NAA16: variants seen among roughly 807,000 people sequenced by gnomAD.
The protein encoded by NAA16 is NARG1-like protein.
In NAA16, 97 loss-of-function variants were observed where a neutral mutation model predicts 110.3. That is an observed-to-expected ratio of 0.88 (90% CI 0.75 to 1.04). The LOEUF is 1.04. Ranked by LOEUF, NAA16 falls within the 50% of genes least tolerant of loss-of-function variation. NAA16 has a pLI of 0.00. For missense variants in NAA16, 1,017 were observed against 1,005.1 expected (o/e 1.01, Z -0.16); for synonymous variants, 372 against 330.6 (o/e 1.13, Z -1.36).
intron 12 of NAA16, among the ~76,000 whole-genome samples, chr13:41,361,699 C>T (rs1170651446): frequency 6.6e-6 from 1 of 152,118 alleles, no homozygotes; most frequent in African/African-American, 2.4e-5. Flanking sequence ...GGATGATTCA[C>T]GTTCCGGGTG....
intron 12 of NAA16, among the ~76,000 whole-genome samples, chr13:41,360,335 A>G (rs151007546): frequency 1.3e-5 from 2 of 152,318 alleles, no homozygotes; most frequent in South Asian, 2.1e-4. Flanking sequence ...ACCACTAAGT[A>G]TAATGCAAAT....
At position 41,343,356 on chromosome 13, in the gene NAA16, C is replaced by T. The variant is rs972391128; in HGVS notation, c.1014+6600C>T. 2.6e-5 allele frequency among the ~76,000 whole-genome samples: 4 copies of T among 152,254 alleles called. No homozygotes were observed. The East Asian group carries it at 5.8e-4, about 22-fold the overall frequency. On this transcript the variant is annotated intron_variant, in intron 9 of 19. Coordinates refer to ENST00000379406, the MANE Select transcript of NAA16 (RefSeq NM_024561.5). ...TCTCCTGCCTTAGAATCCCAGTGCA[C>T]TGCGATTACAGGTGTGAGCCACCAC...
At chr13:41,331,746 A>G (rs1214531768) in intron 8 of NAA16, among the ~76,000 whole-genome samples, 1 of 152,074 alleles carries the variant, frequency 6.6e-6, no homozygotes, top group Non-Finnish European at 1.5e-5. Flanking sequence ...AGGGGACTGT[A>G]GTTAACAACA....
intron 2 of NAA16, among the ~76,000 whole-genome samples, chr13:41,318,337 C>G (rs909452562): frequency 1.3e-5 from 2 of 152,072 alleles, no homozygotes; most frequent in African/African-American, 4.8e-5. Context: ...TTCCAAGTAG[C>G]TGGGATTACA....
In NAA16 at chr13:41,375,459, T is replaced by C. The variant is rs2043410628; in HGVS notation, c.2452T>C (p.Ser818Pro). The change falls in exon 20 of 20, where the codon TCC becomes CCC. Residue 818 changes from serine to proline, a missense_variant. Ser to Pro is a moderately conservative substitution (Grantham distance 74, BLOSUM62 -1). Transcript: ENST00000379406. The stretch of plus-strand genomic sequence containing the variant: ...TGATGGCAGCTTTGGGAACTGTAGT[T>C]CCCAATATGAAGAATATAGGATGGC... ...LLDGSFGNCS[S>P]QYEEYRMACH... 6.2e-7 allele frequency: 1 copy of C among 1,613,914 alleles called. No homozygotes were observed. Among genetic ancestry groups the C allele is most frequent in the Non-Finnish European group, 8.5e-7 (1 of 1,179,918 alleles).
At chr13:41,322,284 AG>A (rs1158131317) in intron 4 of NAA16, among the ~76,000 whole-genome samples, 1 of 152,170 alleles carries the variant, frequency 6.6e-6, no homozygotes, top group Non-Finnish European at 1.5e-5. Flanking sequence ...TGGTGGTCAA[AG>A]AACAAGGGTA....
At chr13:41,330,294 G>A (rs537800790) in intron 7 of NAA16, among the ~76,000 whole-genome samples, 141 of 151,698 alleles carry the variant, frequency 9.3e-4, no homozygotes, top group Non-Finnish European at 1.8e-3. Flanking sequence ...GCGTCTAAAC[G>A]AGATCACACC....
intron 15 of NAA16, 43 bp from the exon 16 acceptor site, chr13:41,372,160 T>G: frequency 3.5e-6 from 5 of 1,433,334 alleles, no homozygotes; most frequent in Non-Finnish European, 4.7e-6. Context: ...ATTTGACTTG[T>G]TCTGATGTTT....
chr13:41,323,129 A>G lies in NAA16; in HGVS notation c.476A>G (p.His159Arg), dbSNP rs538007792. ...ASWIGYAIAY[H>R]LLKDYDMALK... The stretch of plus-strand genomic sequence containing the variant: ...TGGATTGGATATGCTATTGCATACC[A>G]TTTGCTGAAAGATTATGATATGGCC... Residue 159 changes from histidine to arginine, a missense_variant, in exon 5 of 20, where the codon CAT becomes CGT. Physicochemically the swap from His to Arg is conservative, Grantham distance 29 (BLOSUM62 0). Transcript: ENST00000379406. 2.5e-6 allele frequency: 4 copies of G among 1,613,918 alleles called. No individual in the cohort carries two copies. Among genetic ancestry groups the G allele is most frequent in the Non-Finnish European group, 3.4e-6 (4 of 1,179,900 alleles).
Position 41,356,442 on chromosome 13 carries a change from ACCTC to A in NAA16, c.1087+1227_1087+1230del, listed in dbSNP as rs1341558128. The stretch of plus-strand genomic sequence containing the variant: ...TCATCGCAGTGCCATGTCACACAAA[ACCTC>A]ATAACATAATATCTGATACCCAATC... On this transcript the variant is annotated intron_variant, in intron 10 of 19. Coordinates refer to ENST00000379406, the MANE Select transcript of NAA16 (RefSeq NM_024561.5). Among the ~76,000 whole-genome samples, 39 of 102,732 alleles carry A rather than the reference ACCTC, an allele frequency of 3.8e-4. 3 individuals carry two copies. The highest frequency in any genetic ancestry group is 6.0e-4 in the Non-Finnish European group (31 of 51,748). 67.4% of individuals were successfully genotyped at this position (102,732 alleles called of 152,430 possible). A position where few individuals can be genotyped will look rare whatever the true frequency, so the allele number is the denominator to read the frequency against.
At chr13:41,328,520 G>C (rs2042152037) in intron 6 of NAA16, among the ~76,000 whole-genome samples, 1 of 152,152 alleles carries the variant, frequency 6.6e-6, no homozygotes, top group African/African-American at 2.4e-5. Context: ...GAGTGTAAGA[G>C]GGAGCCAAAA....
intron 1 of NAA16, among the ~76,000 whole-genome samples, chr13:41,312,955 G>A (rs1380591664): frequency 6.6e-6 from 1 of 151,950 alleles, no homozygotes; most frequent in Non-Finnish European, 1.5e-5. Context: ...GCATGGAATT[G>A]GAGAAGTAAT....
chr13:41,318,245 G>A (rs1408717885), intron 2 of NAA16, among the ~76,000 whole-genome samples: 1 of 149,480 alleles, frequency 6.7e-6, no homozygotes, highest in East Asian at 1.9e-4. Context: ...CGCTCTTGTT[G>A]CCCAGGCTGG....
intron 8 of NAA16, among the ~76,000 whole-genome samples, chr13:41,332,816 C>A (rs1231665743): frequency 1.3e-5 from 2 of 151,766 alleles, no homozygotes; most frequent in Non-Finnish European, 2.9e-5. Context: ...TTGTGAAATA[C>A]CTTTTAGAAA....
chr13:41,372,715 T>A lies in NAA16; in HGVS notation c.2057-17T>A. ...GTAAGTATTAATGCTATTACTTTTG[T>A]ATTTTTTCTGACACAGGAAAGTTTC... On this transcript the variant is annotated splice_polypyrimidine_tract_variant and intron_variant, in intron 16 of 19. Coordinates refer to ENST00000379406, the MANE Select transcript of NAA16 (RefSeq NM_024561.5). The A allele has an allele frequency of 6.3e-7, 1 of 1,581,752 alleles. No homozygotes were observed. Among genetic ancestry groups the A allele is most frequent in the Non-Finnish European group, 8.6e-7 (1 of 1,162,848 alleles).
In NAA16 at chr13:41,372,751, G is replaced by T; in HGVS notation, c.2076G>T (p.Leu692=). 1 of 1,599,862 alleles carries T rather than the reference G, an allele frequency of 6.3e-7. No homozygotes were observed. The highest frequency in any genetic ancestry group is 1.1e-5 in the South Asian group (1 of 88,924). ...ACACAGGAAAGTTTCTGTTAATGCT[G>T]CAGTCTGTCAAACGAGCTTTTGCCA... is the stretch of plus-strand genomic sequence containing the variant. ...YFRKGKFLLM[L]QSVKRAFAIN... is the part of the protein sequence containing the mutation. The change falls in exon 17 of 20, where the codon CTG becomes CTT. Residue 692 remains leucine, a synonymous_variant. Transcript: ENST00000379406.
intron 14 of NAA16, 133 bp downstream of exon 14, chr13:41,367,785 C>A: frequency 3.0e-5 from 17 of 560,530 alleles, no homozygotes; most frequent in South Asian, 2.9e-4. Flanking sequence ...AACTCATATG[C>A]CAAAAAACAA....
intron 13 of NAA16, chr13:41,362,850 T>G (rs564963678): frequency 4.7e-6 from 6 of 1,286,576 alleles, no homozygotes; most frequent in Non-Finnish European, 6.1e-6. Context: ...TGACGCAGTA[T>G]AGAACCACAG....
At chr13:41,320,879 C>A in intron 4 of NAA16, 55 bp downstream of exon 4, 1 of 1,470,362 alleles carries the variant, frequency 6.8e-7, no homozygotes, top group South Asian at 1.4e-5. Context: ...AATTTAAGAG[C>A]GTGTCATTTC....
Sources: allele counts gnomAD v4.1 joint callset (sites outside exome capture counted in the v4.1 genomes callset), GRCh38; gene constraint gnomAD v4.1.1; transcripts MANE v1.5; gene names NCBI Gene and HGNC (gene_info 2026-07-23, HGNC 2026-07-21).